PAPOLB: variants seen among roughly 807,000 people sequenced by gnomAD.
PAPOLB encodes PAP-beta.
Under a neutral mutation model 23.2 loss-of-function variants are expected in PAPOLB, and 19 were observed. The observed-to-expected ratio is 0.82, with a 90% CI of 0.57 to 1.20. The LOEUF is 1.20. Ranked by LOEUF, PAPOLB falls within the 50% of genes most tolerant of loss-of-function variation. PAPOLB has a pLI of 0.00. For synonymous variants in PAPOLB, 360 were observed against 290.7 expected (o/e 1.24, Z -2.43); for missense variants, 822 against 776.8 (o/e 1.06, Z -0.69).
chr7:4,859,600 T>C lies in PAPOLB; in HGVS notation c.*297A>G. ...CTAGTCCCGTACCCCTCATTCTCCT[T>C]CCTTAGTATTTGAAGACAACAGGTT... On this transcript the variant is annotated 3_prime_UTR_variant, in exon 1 of 1. Transcript: ENST00000404991. 2.9e-6 allele frequency: 1 copy of C among 347,100 alleles called. No homozygotes were observed. The highest frequency in any genetic ancestry group is 2.1e-5 in the African/African-American group (1 of 47,634). 21.5% of individuals were successfully genotyped at this position (347,100 alleles called of 1,614,324 possible).
Position 4,858,906 on chromosome 7 carries a change from C to CT in PAPOLB, c.*990dup, listed in dbSNP as rs1321565904. ...AAAGAGAAGAGAGGGAGGCAAAAAG[C>CT]TTTTTTGTTTTAGGACTAATGATTG... On this transcript the variant is annotated 3_prime_UTR_variant, in exon 1 of 1. Transcript: ENST00000404991. The CT allele has an allele frequency of 6.6e-6, 1 of 152,098 alleles. No individual in the cohort carries two copies. Among genetic ancestry groups the CT allele is most frequent in the Non-Finnish European group, 1.5e-5 (1 of 67,998 alleles). The allele number at this position is 152,098 out of a possible 1,614,324, so 9.4% of individuals were successfully genotyped here. A position where few individuals can be genotyped will look rare whatever the true frequency, so the allele number is the denominator to read the frequency against.
In PAPOLB at chr7:4,861,852, C is replaced by A; in HGVS notation, c.-42G>T. On this transcript the variant is annotated 5_prime_UTR_variant, in exon 1 of 1. Transcript: ENST00000404991. The stretch of plus-strand genomic sequence containing the variant: ...CGCCAGGGCACGTCCCCCACCACCG[C>A]GACCTTCGCGGCCGCCGCCCGGGTC... 7.6e-7 allele frequency: 1 copy of A among 1,322,148 alleles called. No individual in the cohort carries two copies. The highest frequency in any genetic ancestry group is 9.8e-7 in the Non-Finnish European group (1 of 1,015,946). The allele number at this position is 1,322,148 out of a possible 1,614,324, so 81.9% of individuals were successfully genotyped here. A position where few individuals can be genotyped will look rare whatever the true frequency, so the allele number is the denominator to read the frequency against.
Position 4,860,091 on chromosome 7 carries a change from C to A in PAPOLB, c.1720G>T (p.Glu574Ter). 1.2e-6 allele frequency: 2 copies of A among 1,614,014 alleles called. No individual in the cohort carries two copies. Among genetic ancestry groups the A allele is most frequent in the East Asian group, 2.2e-5 (1 of 44,888 alleles). Residue 574 changes from glutamate to a stop codon, truncating the protein, a stop_gained, in exon 1 of 1, where the codon GAA becomes TAA. Transcript: ENST00000404991. LOFTEE classifies it low-confidence loss of function (END_TRUNC). ...GTATTCACCTGTTGCAAGGAAAATT[C>A]AGTAGCCTGTATGTTAGCCACAGAT... Reference protein sequence around the residue: ...TASVANIQATEFSLQQVNTNE... With the variant: ...TASVANIQAT
In PAPOLB at chr7:4,860,892, G is replaced by C. The variant is rs771343936; in HGVS notation, c.919C>G (p.Pro307Ala). The C allele has an allele frequency of 1.2e-6, 2 of 1,614,054 alleles. No homozygotes were observed. Among genetic ancestry groups the C allele is most frequent in the Non-Finnish European group, 1.7e-6 (2 of 1,180,022 alleles). Residue 307 changes from proline (P) to alanine (A), a missense_variant, in exon 1 of 1, where the codon CCC (proline) becomes GCC (alanine). Physicochemically the swap from Pro to Ala is conservative, Grantham distance 27. Transcript: ENST00000404991. ...NLPVWDPRVN[P>A]SDRYHLMPII... ...GGCATAAGATGGTACCTATCACTGG[G>C]ATTTACTCTTGGGTCCCATACAGGC...
Position 4,861,788 on chromosome 7 carries a change from G to A in PAPOLB, c.23C>T (p.Thr8Ile). 1 of 1,463,862 alleles carries A rather than the reference G, an allele frequency of 6.8e-7. No homozygotes were observed. The highest frequency in any genetic ancestry group is 2.4e-5 in the East Asian group (1 of 41,640). 90.7% of individuals were successfully genotyped at this position (1,463,862 alleles called of 1,614,324 possible). The change falls in exon 1 of 1, where the codon ACC becomes ATC. Residue 8 changes from threonine to isoleucine, a missense_variant. Around this residue, in one of 3 missense-constraint regions of PAPOLB, gnomAD observed 276 missense variants for 243.9 expected, o/e 1.13. Transcript: ENST00000404991. ...CGGCGCCGGCTGCGGTGGTCCCTGGGTTGTCACCGGAAACGGCATCATCTT... is the reference window on the plus strand; with the variant it reads ...CGGCGCCGGCTGCGGTGGTCCCTGGATTGTCACCGGAAACGGCATCATCTT... MMPFPVT[T>I]QGPPQPAPPP... is the part of the protein sequence containing the mutation.
chr7:4,860,908 C>A lies in PAPOLB; in HGVS notation c.903G>T (p.Trp301Cys). The A allele has an allele frequency of 1.9e-6, 3 of 1,614,184 alleles. No individual in the cohort carries two copies. The highest frequency in any genetic ancestry group is 2.5e-6 in the Non-Finnish European group (3 of 1,180,024). Residue 301 changes from tryptophan to cysteine, a missense_variant, in exon 1 of 1, where the codon TGG becomes TGT. Transcript: ENST00000404991. ...PEERNLNLPVWDPRVNPSDRY... is the reference protein window; with the variant it reads ...PEERNLNLPVCDPRVNPSDRY... ...TATCACTGGGATTTACTCTTGGGTC[C>A]CATACAGGCAAATTAAGATTCCGTT...
rs1783990359 is a variant in PAPOLB at position 4,861,404 on chromosome 7, G to C, written c.407C>G (p.Ala136Gly). 5 of 1,614,166 alleles carry C rather than the reference G, an allele frequency of 3.1e-6. No homozygotes were observed. Among genetic ancestry groups the C allele is most frequent in the African/African-American group, 2.7e-5 (2 of 75,060 alleles). The change falls in exon 1 of 1, where the codon GCT becomes GGT. Residue 136 changes from alanine (A) to glycine (G), a missense_variant. By Grantham distance (60) the Ala-to-Gly change is moderately conservative (BLOSUM62 0). Around this residue, in one of 3 missense-constraint regions of PAPOLB, gnomAD observed 276 missense variants for 243.9 expected, o/e 1.13. Coordinates refer to ENST00000404991, the MANE Select transcript of PAPOLB (RefSeq NM_020144.5). ...DRSDFFTSFY[A>G]KLKLQEEVKD... is the part of the protein sequence containing the mutation. ...CACTTCCTCCTGTAGTTTCAGTTTA[G>C]CATAGAATGAGGTGAAAAAGTCGCT... is the stretch of plus-strand genomic sequence containing the variant.
In PAPOLB at chr7:4,861,971, C is replaced by T. The variant is rs1372622925; in HGVS notation, c.-161G>A. On this transcript the variant is annotated 5_prime_UTR_variant, in exon 1 of 1. Transcript: ENST00000404991. ...CGCGCCCGCCGCTTCAGGAGCTTCT[C>T]CTCCTTCCCCTCAGCCCCAACATGG... 6.5e-6 allele frequency: 3 copies of T among 459,016 alleles called. No homozygotes were observed. Among genetic ancestry groups the T allele is most frequent in the Admixed American group, 3.9e-5 (1 of 25,622 alleles). The allele number at this position is 459,016 out of a possible 1,614,324, so 28.4% of individuals were successfully genotyped here.
Position 4,861,442 on chromosome 7 carries a change from A to G in PAPOLB, c.369T>C (p.Ser123=). Reference sequence around the variant, plus strand: ...TGAAAAAGTCGCTTCGATCCACATGACTTGGTGCAACGCACAAGGCGTCAA... The same window carrying G: ...TGAAAAAGTCGCTTCGATCCACATGGCTTGGTGCAACGCACAAGGCGTCAA... The part of the protein sequence containing the change: ...ADIDALCVAP[S]HVDRSDFFTS... The change falls in exon 1 of 1, where the codon AGT becomes AGC. Residue 123 remains serine (S), a synonymous_variant. Transcript: ENST00000404991. The G allele has an allele frequency of 6.2e-7, 1 of 1,614,130 alleles. No homozygotes were observed. The highest frequency in any genetic ancestry group is 8.5e-7 in the Non-Finnish European group (1 of 1,180,002).
In PAPOLB at chr7:4,861,467, A is replaced by G. The variant is rs1221809689; in HGVS notation, c.344T>C (p.Ile115Thr). 3.7e-6 allele frequency: 6 copies of G among 1,614,130 alleles called. No homozygotes were observed. Among genetic ancestry groups the G allele is most frequent in the South Asian group, 1.1e-5 (1 of 91,072 alleles). ...RLGVHTKGAD[I>T]DALCVAPSHV... ...ACTTGGTGCAACGCACAAGGCGTCA[A>G]TATCTGCGCCTTTCGTATGTACTCC... The change falls in exon 1 of 1, where the codon ATT becomes ACT. Residue 115 changes from isoleucine (I) to threonine (T), a missense_variant. Coordinates refer to ENST00000404991, the MANE Select transcript of PAPOLB (RefSeq NM_020144.5).
In PAPOLB at chr7:4,861,138, G is replaced by A. The variant is rs369902661; in HGVS notation, c.673C>T (p.Leu225=). The change falls in exon 1 of 1, where the codon CTG becomes TTG. Residue 225 remains leucine, a synonymous_variant. Coordinates refer to ENST00000404991, the MANE Select transcript of PAPOLB (RefSeq NM_020144.5). ...TTGGCCCACAGTTTGATGGCTCTCA[G>A]AGTCAGCCTGAAGTTGTCAATGTTT... ...VPNIDNFRLT[L]RAIKLWAKCH... is the part of the protein sequence containing the mutation. 6.2e-7 allele frequency: 1 copy of A among 1,614,230 alleles called. No homozygotes were observed. Among genetic ancestry groups the A allele is most frequent in the South Asian group, 1.1e-5 (1 of 91,080 alleles).
rs1035474643 is a variant in PAPOLB at position 4,859,925 on chromosome 7, G to C, written c.1886C>G (p.Thr629Ser). Residue 629 changes from threonine (T) to serine (S), a missense_variant, in exon 1 of 1, where the codon ACT becomes AGT. By Grantham distance (58) the Thr-to-Ser change is moderately conservative. This residue lies in a region of PAPOLB where 534 missense variants were observed against 502.8 expected (regional missense o/e 1.06). Coordinates refer to ENST00000404991, the MANE Select transcript of PAPOLB (RefSeq NM_020144.5). ...TAGGATTAGATATGTTTGTTGCTGA[G>C]TTTCCTGAAGGTCTGGATGGCTTAT... ...CLISHPDLQETQQQTYLIL is the reference protein window; with the variant it reads ...CLISHPDLQESQQQTYLIL The C allele has an allele frequency of 1.1e-5, 18 of 1,612,640 alleles. No homozygotes were observed. Among genetic ancestry groups the C allele is most frequent in the African/African-American group, 2.7e-5 (2 of 74,852 alleles).
chr7:4,860,785 A>G lies in PAPOLB; in HGVS notation c.1026T>C (p.Phe342=), dbSNP rs189122332. 19 of 1,614,094 alleles carry G rather than the reference A, an allele frequency of 1.2e-5. No homozygotes were observed. The Admixed American group carries it at 3.2e-4, about 27-fold the overall frequency. The change falls in exon 1 of 1, where the codon TTT becomes TTC. Residue 342 remains phenylalanine (F), a synonymous_variant. Coordinates refer to ENST00000404991, the MANE Select transcript of PAPOLB (RefSeq NM_020144.5). ...CGTGTGTGATAGCAAGCCCCTGTTT[A>G]AACTCCTCAATCATGACCATCCTGG... ...ISTRMVMIEE[F]KQGLAITHEI... is the part of the protein sequence containing the mutation.
rs753241581 is a variant in PAPOLB at position 4,860,717 on chromosome 7, G to A, written c.1094C>T (p.Ala365Val). 1 of 1,614,104 alleles carries A rather than the reference G, an allele frequency of 6.2e-7. No homozygotes were observed. Among genetic ancestry groups the A allele is most frequent in the Non-Finnish European group, 8.5e-7 (1 of 1,179,972 alleles). The change falls in exon 1 of 1, where the codon GCT (alanine) becomes GTT (valine). Residue 365 changes from alanine to valine, a missense_variant. Physicochemically the swap from Ala to Val is moderately conservative, Grantham distance 64. Around this residue, in one of 3 missense-constraint regions of PAPOLB, gnomAD observed 534 missense variants for 502.8 expected, o/e 1.06. Transcript: ENST00000404991. ...SKAEWSKLFE[A>V]PSFFQKYKHY... ...CTTGTACTTTTGAAAGAAGCTTGGA[G>A]CTTCAAAGAGTTTGGACCACTCTGC...
rs777999128 is a variant in PAPOLB, at chr7:4,859,990, T to C, written c.1821A>G (p.Pro607=). 3.1e-6 allele frequency: 5 copies of C among 1,614,024 alleles called. No individual in the cohort carries two copies. The highest frequency in any genetic ancestry group is 4.2e-6 in the Non-Finnish European group (5 of 1,179,878). ...AVSQPAISPS[P]KAMVARVVSS... Reference sequence around the variant, plus strand: ...AAACAACTCTGGCGACCATGGCCTTTGGTGATGGAGAAATGGCAGGCTGAG... The same window carrying C: ...AAACAACTCTGGCGACCATGGCCTTCGGTGATGGAGAAATGGCAGGCTGAG... The change falls in exon 1 of 1, where the codon CCA becomes CCG. Residue 607 remains proline, a synonymous_variant. Coordinates refer to ENST00000404991, the MANE Select transcript of PAPOLB (RefSeq NM_020144.5).
In PAPOLB at chr7:4,860,177, G is replaced by C. The variant is rs1318771597; in HGVS notation, c.1634C>G (p.Thr545Arg). ...SVPSSTSTMK[T>R]GPLISSSQGR... ...CTGAGAACTGCTAATCAATGGGCCT[G>C]TCTTCATAGTGCTAGTAGATGAAGG... Residue 545 changes from threonine to arginine, a missense_variant, in exon 1 of 1, where the codon ACA becomes AGA. This residue lies in a region of PAPOLB where 534 missense variants were observed against 502.8 expected (regional missense o/e 1.06). Transcript: ENST00000404991. 6.2e-7 allele frequency: 1 copy of C among 1,614,028 alleles called. No individual in the cohort carries two copies. The highest frequency in any genetic ancestry group is 8.5e-7 in the Non-Finnish European group (1 of 1,179,888).
At position 4,860,075 on chromosome 7, in the gene PAPOLB, TG is replaced by T; in HGVS notation, c.1735del (p.Gln579ArgfsTer2). ...NIQATEFSLQQVNTNESSGVA... is the reference protein window; with the variant it reads ...NIQATEFSLQXVNTNESSGVA... Reference sequence around the variant, plus strand: ...CCCTGAACTTTCATTGGTATTCACCTGTTGCAAGGAAAATTCAGTAGCCTGT... The same window carrying T: ...CCCTGAACTTTCATTGGTATTCACCTTTGCAAGGAAAATTCAGTAGCCTGT... On this transcript the variant is annotated frameshift_variant, in exon 1 of 1. Coordinates refer to ENST00000404991, the MANE Select transcript of PAPOLB (RefSeq NM_020144.5). 6.2e-7 allele frequency: 1 copy of T among 1,614,050 alleles called. No individual in the cohort carries two copies. The highest frequency in any genetic ancestry group is 1.1e-5 in the South Asian group (1 of 91,086).
chr7:4,861,352 T>C lies in PAPOLB; in HGVS notation c.459A>G (p.Ala153=). The change falls in exon 1 of 1, where the codon GCA becomes GCG. Residue 153 remains alanine, a synonymous_variant. Transcript: ENST00000404991. The part of the protein sequence containing the change: ...EVKDLRAVEE[A]FVPVIKLCFD... ...AACACAGTTTGATAACTGGCACAAA[T>C]GCCTCCTCGACAGCCCTTAAATCTT... 3.1e-6 allele frequency: 5 copies of C among 1,614,110 alleles called. No homozygotes were observed. The highest frequency in any genetic ancestry group is 4.2e-6 in the Non-Finnish European group (5 of 1,179,942).
Position 4,860,226 on chromosome 7 carries a change from C to G in PAPOLB, c.1585G>C (p.Gly529Arg). ...GGCACAGACATGCTGTTTTCACAGC[C>G]TGCAGACAAGTCAAAGCTGCTGTCG... ...LNDSSFDLSAGCENSMSVPSS... is the reference protein window; with the variant it reads ...LNDSSFDLSARCENSMSVPSS... Residue 529 changes from glycine (G) to arginine (R), a missense_variant, in exon 1 of 1, where the codon GGC (glycine) becomes CGC (arginine). Gly to Arg is a moderately radical substitution (Grantham distance 125, BLOSUM62 -2). Coordinates refer to ENST00000404991, the MANE Select transcript of PAPOLB (RefSeq NM_020144.5). 1 of 1,614,002 alleles carries G rather than the reference C, an allele frequency of 6.2e-7. No individual in the cohort carries two copies. Among genetic ancestry groups the G allele is most frequent in the Non-Finnish European group, 8.5e-7 (1 of 1,179,894 alleles).
Sources: allele counts gnomAD v4.1 joint callset, GRCh38; gene constraint gnomAD v4.1.1; regional missense constraint gnomAD v4.1.1; transcripts MANE v1.5; gene names NCBI Gene and HGNC (gene_info 2026-07-23, HGNC 2026-07-21).